Variants in DLGAP2 observed in about 807,000 individuals in gnomAD.
DLGAP2 encodes DLG associated protein 2.
A neutral mutation model predicts 100.3 loss-of-function variants in DLGAP2; 26 were observed. That is an observed-to-expected ratio of 0.26 (90% CI 0.19 to 0.36). DLGAP2 has a LOEUF of 0.36. Among genes scored for constraint, DLGAP2 ranks in the 10% least tolerant of loss-of-function variants. The pLI is 1.00. For missense variants in DLGAP2, 1,858 were observed against 1,453.2 expected, an observed-to-expected ratio of 1.28 and a Z score of -4.53; for synonymous variants, 886 against 630.1, an observed-to-expected ratio of 1.41 and a Z score of -6.08.
At chr8:1,680,309 A>C (rs868333616) in intron 12 of DLGAP2, among the ~76,000 whole-genome samples, 1 of 152,244 alleles carries the variant, frequency 6.6e-6, no homozygotes, top group African/African-American at 2.4e-5. Flanking sequence ...GGCTGTTTTA[A>C]TAGGGCATTC....
At chr8:1,657,841 G>C (rs1243538866) in intron 8 of DLGAP2, among the ~76,000 whole-genome samples, 1 of 152,164 alleles carries the variant, frequency 6.6e-6, no homozygotes, top group South Asian at 2.1e-4. Context: ...AAACAGCTTC[G>C]TTGTCTGGGG....
intron 3 of DLGAP2, among the ~76,000 whole-genome samples, chr8:1,481,465 C>CTT (rs1351049909): frequency 1.2e-4 from 10 of 81,692 alleles, no homozygotes; most frequent in Admixed American, 1.5e-4. Context: ...TTTTCTTTTT[C>CTT]TTTTTCTTTT....
chr8:1,690,690 G>A (rs1454146804), intron 12 of DLGAP2, among the ~76,000 whole-genome samples: 1 of 115,520 alleles, frequency 8.7e-6, no homozygotes, highest in Non-Finnish European at 1.7e-5. Context: ...GGCGATAAAG[G>A]GAGACCCTAT....
chr8:1,483,652 C>T (rs1004518350), intron 3 of DLGAP2, among the ~76,000 whole-genome samples: 1 of 15,272 alleles, frequency 6.5e-5, no homozygotes, highest in Non-Finnish European at 1.3e-4. Flanking sequence ...GACCTGAGGG[C>T]GTCTACACAG....
intron 2 of DLGAP2, among the ~76,000 whole-genome samples, chr8:974,146 C>T (rs896676290): frequency 6.6e-5 from 10 of 152,052 alleles, no homozygotes; most frequent in African/African-American, 2.4e-4. Flanking sequence ...AATGGTAAGA[C>T]ACCAAACCAT....
intron 3 of DLGAP2, among the ~76,000 whole-genome samples, chr8:1,473,502 A>T (rs751332858): frequency 6.6e-6 from 1 of 152,228 alleles, no homozygotes; most frequent in Non-Finnish European, 1.5e-5. Flanking sequence ...ATTCTCAAAA[A>T]GGCAGAACTG....
At chr8:1,127,287 G>A (rs1472660143) in intron 2 of DLGAP2, among the ~76,000 whole-genome samples, 1 of 151,854 alleles carries the variant, frequency 6.6e-6, no homozygotes, top group Non-Finnish European at 1.5e-5. Context: ...CTCCAGGTCG[G>A]GTGAACCCCC....
At position 1,658,197 on chromosome 8, in the gene DLGAP2, A is replaced by G. The variant is rs554649446; in HGVS notation, c.1811-10132A>G. ...TGGCTGGTTGCCATGATACCTGTAT[A>G]CCTGGCTTTACCTGGAGGCTGCCAT... On this transcript the variant is annotated intron_variant, in intron 8 of 14. Transcript: ENST00000637795. 1.3e-4 allele frequency among the ~76,000 whole-genome samples: 20 copies of G among 152,162 alleles called. No individual in the cohort carries two copies. The South Asian group carries it at 3.7e-3, about 28-fold the overall frequency.
chr8:1,479,708 A>G (rs1035445848), intron 3 of DLGAP2, among the ~76,000 whole-genome samples: 6 of 152,160 alleles, frequency 3.9e-5, no homozygotes, highest in African/African-American at 1.4e-4. Flanking sequence ...TAAGATGAAG[A>G]AAATAGTTGA....
intron 2 of DLGAP2, among the ~76,000 whole-genome samples, chr8:1,083,869 A>G (rs531192261): frequency 6.6e-6 from 1 of 152,090 alleles, no homozygotes; most frequent in Non-Finnish European, 1.5e-5. Flanking sequence ...AAAGTGACTC[A>G]TGTGTCTAAG....
chr8:1,227,487 G>A (rs929750705), intron 2 of DLGAP2, among the ~76,000 whole-genome samples: 2 of 150,094 alleles, frequency 1.3e-5, no homozygotes, highest in African/African-American at 4.9e-5. Context: ...GTTGAGATTT[G>A]CTTCTTTTCT....
chr8:1,580,980 C>G (rs1451188677), intron 6 of DLGAP2, among the ~76,000 whole-genome samples: 1 of 150,660 alleles, frequency 6.6e-6, no homozygotes, highest in African/African-American at 2.5e-5. Context: ...CACAAACTAC[C>G]AGAAGTGAAG....
intron 1 of DLGAP2, among the ~76,000 whole-genome samples, chr8:855,362 C>A (rs963874969): frequency 6.6e-6 from 1 of 152,142 alleles, no homozygotes; most frequent in Non-Finnish European, 1.5e-5. Context: ...CTGTGCTCCC[C>A]ACTCAACACT....
chr8:1,058,089 C>T (rs985636103), intron 2 of DLGAP2, among the ~76,000 whole-genome samples: 5 of 152,260 alleles, frequency 3.3e-5, no homozygotes, highest in East Asian at 1.9e-4. Context: ...CCAAATTCCC[C>T]GAGTGAGGAT....
At chr8:956,010 A>G (rs768935286) in intron 2 of DLGAP2, among the ~76,000 whole-genome samples, 14 of 152,254 alleles carry the variant, frequency 9.2e-5, no homozygotes, top group Non-Finnish European at 1.5e-4. Context: ...CTCTTCCTTC[A>G]TAGCCCTCTT....
Position 1,112,765 on chromosome 8 carries a change from A to G in DLGAP2, c.74-146086A>G, listed in dbSNP as rs189195605. On this transcript the variant is annotated intron_variant, in intron 2 of 14. Coordinates refer to ENST00000637795, the MANE Select transcript of DLGAP2 (RefSeq NM_001346810.2). ...TTTCCCCTTTTGTTGCAGAAATTGC[A>G]TGAATCATGAAATCTTTGCTCATTC... 4.3e-3 allele frequency among the ~76,000 whole-genome samples: 648 copies of G among 152,264 alleles called. 7 individuals carry two copies. Among genetic ancestry groups the G allele is most frequent in the Non-Finnish European group, 5.0e-3 (340 of 68,010 alleles).
intron 5 of DLGAP2, among the ~76,000 whole-genome samples, chr8:1,550,513 T>G (rs1183741807): frequency 1.3e-5 from 2 of 152,142 alleles, no homozygotes; most frequent in Non-Finnish European, 2.9e-5. Context: ...ATGTGAGAGC[T>G]GATGGACCGG....
chr8:1,319,499 C>T lies in DLGAP2; in HGVS notation c.106+60616C>T, dbSNP rs183380786. On this transcript the variant is annotated intron_variant, in intron 3 of 14. Coordinates refer to ENST00000637795, the MANE Select transcript of DLGAP2 (RefSeq NM_001346810.2). Reference sequence around the variant, plus strand: ...TTGGAGTGGGTGTGGAGGCAGCTGACGTGGAGCCAACAGAGTGTTCATTAT... The same window carrying T: ...TTGGAGTGGGTGTGGAGGCAGCTGATGTGGAGCCAACAGAGTGTTCATTAT... 9.6e-4 allele frequency among the ~76,000 whole-genome samples: 146 copies of T among 152,238 alleles called. 1 individual carries two copies. The highest frequency in any genetic ancestry group is 9.3e-3 in the East Asian group (48 of 5,174).
rs1165190944 is a variant in DLGAP2 at position 1,288,483 on chromosome 8, A to AGT, written c.106+29622_106+29623dup. 3.9e-3 allele frequency among the ~76,000 whole-genome samples: 402 copies of AGT among 102,866 alleles called. 2 individuals are homozygous for AGT. The highest frequency in any genetic ancestry group is 0.011 in the Middle Eastern group (1 of 92). 67.5% of individuals were successfully genotyped at this position (102,866 alleles called of 152,430 possible). On this transcript the variant is annotated intron_variant, in intron 3 of 14. Coordinates refer to ENST00000637795, the MANE Select transcript of DLGAP2 (RefSeq NM_001346810.2). ...TTAGGAGGGGAACTTGTTTCAGTTC[A>AGT]GTGTGTGTGTGTGTGTGTGTGTGCA...
Sources: allele counts gnomAD v4.1 joint callset (sites outside exome capture counted in the v4.1 genomes callset), GRCh38; gene constraint gnomAD v4.1.1; transcripts MANE v1.5; gene names NCBI Gene and HGNC (gene_info 2026-07-23, HGNC 2026-07-21).